Variants in VCP observed in about 807,000 individuals in gnomAD.
The protein encoded by VCP is transitional endoplasmic reticulum ATPase.
VCP carries 6 observed loss-of-function variants against 85.7 expected under a neutral mutation model. The observed-to-expected ratio is 0.07, with a 90% CI of 0.04 to 0.14. The LOEUF (loss-of-function observed/expected upper bound fraction) is 0.14. Among genes scored for constraint, VCP ranks in the 10% least tolerant of loss-of-function variants. The pLI is 1.00. For missense variants in VCP, 353 were observed against 1,043.4 expected, an observed-to-expected ratio of 0.34 and a Z score of 9.12; for synonymous variants, 384 against 367.1, an observed-to-expected ratio of 1.05 and a Z score of -0.53.
Position 35,056,993 on chromosome 9 carries a change from C to G in VCP, c.*124G>C, listed in dbSNP as rs1172318694. ...TGTCCAGAGTCAGACTGTAGCTGAACTGTTCAGACTGGAGAATGGAGCAGG... is the reference window on the plus strand; with the variant it reads ...TGTCCAGAGTCAGACTGTAGCTGAAGTGTTCAGACTGGAGAATGGAGCAGG... On this transcript the variant is annotated 3_prime_UTR_variant, in exon 17 of 17. Transcript: ENST00000358901. The G allele has an allele frequency of 3.2e-6, 3 of 924,450 alleles. No homozygotes were observed. The highest frequency in any genetic ancestry group is 5.3e-6 in the Non-Finnish European group (3 of 567,522). 57.3% of individuals were successfully genotyped at this position (924,450 alleles called of 1,614,324 possible). A position where few individuals can be genotyped will look rare whatever the true frequency, so the allele number is the denominator to read the frequency against.
At chr9:35,057,881 G>A in intron 15 of VCP, 1 of 375,872 alleles carries the variant, frequency 2.7e-6, no homozygotes, top group East Asian at 6.5e-5. Context: ...CATGGAAATG[G>A]TATATAGAAA....
rs778663878 is a variant in VCP, at chr9:35,062,145, G to C, written c.946-7C>G. The C allele has an allele frequency of 1.1e-5, 17 of 1,614,030 alleles. No individual in the cohort carries two copies. Among genetic ancestry groups the C allele is most frequent in the Non-Finnish European group, 1.4e-5 (16 of 1,180,032 alleles). ...GCTCCACCTCGCCATGAGTCTGCCAGAACAGGATGTCTGGTCAGAAGTGAA... is the reference window on the plus strand; with the variant it reads ...GCTCCACCTCGCCATGAGTCTGCCACAACAGGATGTCTGGTCAGAAGTGAA... On this transcript the variant is annotated splice_polypyrimidine_tract_variant and splice_region_variant and intron_variant, in intron 8 of 16. Transcript: ENST00000358901.
chr9:35,061,235 G>A, intron 10 of VCP, 56 bp from the exon 11 acceptor site: 1 of 1,608,756 alleles, frequency 6.2e-7, no homozygotes, highest in South Asian at 1.1e-5. Flanking sequence ...GCTGCAGGAG[G>A]CTCAGAGACA....
In VCP at chr9:35,059,414, T is replaced by C. The variant is rs1459906417; in HGVS notation, c.2004+79A>G. 1.6e-5 allele frequency: 25 copies of C among 1,576,342 alleles called. No individual in the cohort carries two copies. The East Asian group carries it at 5.6e-4, about 36-fold the overall frequency. On this transcript the variant is annotated intron_variant, in intron 14 of 16. Coordinates refer to ENST00000358901, the MANE Select transcript of VCP (RefSeq NM_007126.5). This position sits in a 1 kb window ranked among gnomAD's most constrained non-coding sequence, Gnocchi z 4.9. The stretch of plus-strand genomic sequence containing the variant: ...GACCAACCCTAACCCCAGTGGAATC[T>C]TGTCCAGAAACTAAAGAGCACTCCG...
chr9:35,064,266 T>C lies in VCP; in HGVS notation c.596A>G (p.Asn199Ser). The part of the protein sequence containing the change: ...IKREDEEESL[N>S]EVGYDDIGGC... ...ACCAATGTCATCATACCCTACTTCA[T>C]TCAAGGACTCTTCCTCATCCTGAAT... Residue 199 changes from asparagine (N) to serine (S), a missense_variant, in exon 6 of 17, where the codon AAT becomes AGT. Physicochemically the swap from Asn to Ser is conservative, Grantham distance 46. Around this residue, in one of 8 missense-constraint regions of VCP, gnomAD observed 85 missense variants for 345.2 expected, o/e 0.25. Coordinates refer to ENST00000358901, the MANE Select transcript of VCP (RefSeq NM_007126.5). The C allele has an allele frequency of 6.2e-7, 1 of 1,614,178 alleles. No individual in the cohort carries two copies. Among genetic ancestry groups the C allele is most frequent in the Non-Finnish European group, 8.5e-7 (1 of 1,180,034 alleles).
chr9:35,065,529 C>G, intron 4 of VCP, 148 bp from the exon 5 acceptor site: 1 of 1,054,674 alleles, frequency 9.5e-7, no homozygotes, highest in Non-Finnish European at 1.4e-6. Flanking sequence ...TCCACCCCAC[C>G]TGTCTTAATA....
At chr9:35,057,727 T>C (rs1828638928) in intron 15 of VCP, 197 bp from the exon 16 acceptor site, 6 of 685,474 alleles carry the variant, frequency 8.8e-6, no homozygotes, top group Admixed American at 2.3e-5. Context: ...AAGGGAAAAC[T>C]GTAGGGACAG....
In VCP at chr9:35,061,935, G is replaced by A. The variant is rs971028043; in HGVS notation, c.1081+68C>T. On this transcript the variant is annotated intron_variant, in intron 9 of 16. Coordinates refer to ENST00000358901, the MANE Select transcript of VCP (RefSeq NM_007126.5). ...CTGTGAAGGGCTTCAAGAGGATTAG[G>A]TGACTTAGATGAAGGAGAGAAGTAG... 6 of 1,612,590 alleles carry A rather than the reference G, an allele frequency of 3.7e-6. No homozygotes were observed. In the African/African-American group the frequency reaches 6.7e-5, roughly 18 times the overall value.
At chr9:35,067,367 T>C (rs1828854134) in intron 3 of VCP, among the ~76,000 whole-genome samples, 1 of 152,132 alleles carries the variant, frequency 6.6e-6, no homozygotes, top group Non-Finnish European at 1.5e-5. Context: ...CCTAAAATTA[T>C]GCAAGAACAA....
chr9:35,057,904 T>A (rs541595807), intron 15 of VCP: 2 of 353,750 alleles, frequency 5.7e-6, no homozygotes, highest in South Asian at 4.7e-5. Flanking sequence ...GTGAATTTTA[T>A]TGTATTTATA....
intron 3 of VCP, 33 bp downstream of exon 3, chr9:35,067,858 C>T: frequency 1.9e-6 from 3 of 1,613,768 alleles, no homozygotes; most frequent in Non-Finnish European, 2.5e-6. Flanking sequence ...CTCTGGCCTC[C>T]CATCCCTGTG....
chr9:35,061,667 A>G lies in VCP; in HGVS notation c.1104T>C (p.Asp368=). The change falls in exon 10 of 17, where the codon GAT becomes GAC. Residue 368 remains aspartate (D), a synonymous_variant. Transcript: ENST00000358901. ...GTCCTGTAGCATCAGGAATTCCAAT[A>G]TCTACCTCCCTGTCAAAGCGACCTG... is the stretch of plus-strand genomic sequence containing the variant. ...RRFGRFDREV[D]IGIPDATGRL... 6.2e-7 allele frequency: 1 copy of G among 1,614,012 alleles called. No homozygotes were observed. Among genetic ancestry groups the G allele is most frequent in the Non-Finnish European group, 8.5e-7 (1 of 1,179,978 alleles).
Position 35,066,662 on chromosome 9 carries a change from A to C in VCP, c.445+13T>G. 1 of 1,614,058 alleles carries C rather than the reference A, an allele frequency of 6.2e-7. No individual in the cohort carries two copies. The highest frequency in any genetic ancestry group is 8.5e-7 in the Non-Finnish European group (1 of 1,179,972). On this transcript the variant is annotated intron_variant, in intron 4 of 16. Transcript: ENST00000358901. Reference sequence around the variant, plus strand: ...TACAGTCAATAATCCTTAAGCTCAGAATTAGCTCTCACCTTTCCGGATGGG... The same window carrying C: ...TACAGTCAATAATCCTTAAGCTCAGCATTAGCTCTCACCTTTCCGGATGGG...
At chr9:35,068,668 T>C (rs768680373) in intron 1 of VCP, among the ~76,000 whole-genome samples, 1 of 152,148 alleles carries the variant, frequency 6.6e-6, no homozygotes, top group East Asian at 1.9e-4. Context: ...GGAGGCTGAA[T>C]AGTTGTTAGA....
chr9:35,057,291 C>A, intron 16 of VCP, 69 bp from the exon 17 acceptor site: 1 of 1,613,806 alleles, frequency 6.2e-7, no homozygotes, highest in South Asian at 1.1e-5. Flanking sequence ...ACAACTACCC[C>A]TCTAGCTTCC....
intron 3 of VCP, 58 bp from the exon 4 acceptor site, chr9:35,066,875 T>A (rs1403022960): frequency 1.9e-6 from 3 of 1,612,862 alleles, no homozygotes; most frequent in African/African-American, 2.7e-5. Context: ...AAGCACTGGG[T>A]GTCCAAAAGG....
In VCP at chr9:35,072,477, C is replaced by G; in HGVS notation, c.-124G>C. The G allele has an allele frequency of 4.0e-6, 5 of 1,249,770 alleles. No individual in the cohort carries two copies. The highest frequency in any genetic ancestry group is 4.2e-6 in the Non-Finnish European group (4 of 963,096). 77.4% of individuals were successfully genotyped at this position (1,249,770 alleles called of 1,614,324 possible). On this transcript the variant is annotated 5_prime_UTR_variant, in exon 1 of 17. Coordinates refer to ENST00000358901, the MANE Select transcript of VCP (RefSeq NM_007126.5). ...CGGTGGGCGAGCAGCGGCGACAAAC[C>G]CGCAAGCGGCTTCCCTCTCGCTTCC...
chr9:35,061,642 G>A lies in VCP; in HGVS notation c.1129C>T (p.Arg377Cys), dbSNP rs1251256829. Reference sequence around the variant, plus strand: ...GTATGGATCTGAAGAATCTCTAAGCGTCCTGTAGCATCAGGAATTCCAATA... The same window carrying A: ...GTATGGATCTGAAGAATCTCTAAGCATCCTGTAGCATCAGGAATTCCAATA... ...VDIGIPDATG[R>C]LEILQIHTKN... Residue 377 changes from arginine (R) to cysteine (C), a missense_variant, in exon 10 of 17, where the codon CGC becomes TGC. Physicochemically the swap from Arg to Cys is radical, Grantham distance 180. Transcript: ENST00000358901. 4.3e-6 allele frequency: 7 copies of A among 1,613,980 alleles called. No homozygotes were observed. The highest frequency in any genetic ancestry group is 3.4e-6 in the Non-Finnish European group (4 of 1,180,040).
At chr9:35,064,070 G>GA (rs1828780493) in intron 6 of VCP, 84 bp downstream of exon 6, 1 of 1,603,704 alleles carries the variant, frequency 6.2e-7, no homozygotes, top group South Asian at 1.1e-5. Context: ...AGCCATGCAT[G>GA]AAAACAGTCC....
Sources: gnomAD v4.1 joint callset for allele counts (sites outside exome capture counted in the v4.1 genomes callset) on GRCh38, gnomAD v4.1.1 for gene constraint, gnomAD v4.1.1 regional missense constraint, Gnocchi (gnomAD v3.1) non-coding constraint, MANE v1.5 for transcripts, NCBI Gene and HGNC (gene_info 2026-07-23, HGNC 2026-07-21) for gene names.